Variants in PSG6 observed in about 807,000 individuals in gnomAD.
The protein encoded by PSG6 is pregnancy specific beta-1-glycoprotein 6.
A neutral mutation model predicts 43.3 loss-of-function variants in PSG6; 51 were observed. That is an observed-to-expected ratio of 1.18 (90% CI 0.94 to 1.49). The LOEUF (loss-of-function observed/expected upper bound fraction) is 1.49, where lower values mean the gene tolerates loss of function less well. Among genes scored for constraint, PSG6 ranks in the 40% most tolerant of loss-of-function variants. PSG6 has a pLI of 0.00. For synonymous variants in PSG6, 292 were observed against 197.6 expected (o/e 1.48, Z -4.01); for missense variants, 770 against 522.2 (o/e 1.47, Z -4.62).
At chr19:42,912,328 A>T (rs948181210) in intron 2 of PSG6, among the ~76,000 whole-genome samples, 1 of 151,690 alleles carries the variant, frequency 6.6e-6, no homozygotes. Flanking sequence ...GGAAACCTTA[A>T]AATGTTTTCA....
rs191192648 is a variant in PSG6 at position 42,903,475 on chromosome 19, A to G, written c.1241-1029T>C. 2,390 of 755,956 alleles carry G rather than the reference A, an allele frequency of 3.2e-3. 31 individuals carry two copies. The highest frequency in any genetic ancestry group is 3.8e-3 in the Non-Finnish European group (1,941 of 507,964). The allele number at this position is 755,956 out of a possible 1,614,324, so 46.8% of individuals were successfully genotyped here. ...GATATAAATAAAATGGAGAATGGAAACAGAATAGAGGAAATTACTGAAACC... is the reference window on the plus strand; with the variant it reads ...GATATAAATAAAATGGAGAATGGAAGCAGAATAGAGGAAATTACTGAAACC... On this transcript the variant is annotated intron_variant, in intron 5 of 5. Transcript: ENST00000187910.
intron 5 of PSG6, among the ~76,000 whole-genome samples, chr19:42,905,123 T>G (rs1268809577): frequency 6.6e-6 from 1 of 151,562 alleles, no homozygotes; most frequent in Non-Finnish European, 1.5e-5. Context: ...TGTACAAAAA[T>G]TAACCCACAA....
intron 5 of PSG6, 143 bp downstream of exon 5, chr19:42,906,779 G>A: frequency 6.3e-7 from 1 of 1,591,348 alleles, no homozygotes; most frequent in Admixed American, 1.7e-5. Context: ...GAGATAAGTT[G>A]GGAGGGTTCA....
rs1357964376 is a variant in PSG6, at chr19:42,916,423, G to T, written c.129C>A (p.Pro43=). The T allele has an allele frequency of 4.3e-6, 7 of 1,611,904 alleles. No homozygotes were observed. Among genetic ancestry groups the T allele is most frequent in the African/African-American group, 2.7e-5 (2 of 74,644 alleles). The change falls in exon 2 of 6, where the codon CCC becomes CCA. Residue 43 remains proline, a synonymous_variant. Coordinates refer to ENST00000187910, the MANE Select transcript of PSG6 (RefSeq NM_001031850.4). ...GAACATCCTTCCCCTCGGAAACTTT[G>T]GGTGGCTTGGCTTCAATTATTACTT... is the stretch of plus-strand genomic sequence containing the variant. The part of the protein sequence containing the change: ...TAQVIIEAKP[P]KVSEGKDVLL...
intron 2 of PSG6, among the ~76,000 whole-genome samples, chr19:42,912,136 C>T (rs985818258): frequency 2.0e-5 from 3 of 151,570 alleles, no homozygotes; most frequent in African/African-American, 4.8e-5. Flanking sequence ...CCACAATGCG[C>T]GAGTGAGCAC....
At chr19:42,909,643 T>A (rs1287959159) in intron 3 of PSG6, 1 of 151,788 alleles carries the variant, frequency 6.6e-6, no homozygotes, top group African/African-American at 2.4e-5. Context: ...TTGGTTAAAC[T>A]TATTCCAAAA....
rs752080975 is a variant in PSG6, at chr19:42,907,834, T to TG, written c.726dup (p.Ile243HisfsTer20). 6.2e-6 allele frequency: 10 copies of TG among 1,611,636 alleles called. No homozygotes were observed. In the South Asian group the frequency reaches 1.1e-4, roughly 18 times the overall value. On this transcript the variant is annotated frameshift_variant, in exon 4 of 6. Coordinates refer to ENST00000187910, the MANE Select transcript of PSG6 (RefSeq NM_001031850.4). LOFTEE classifies it high-confidence loss of function. ...CTGGGGTTTAAGTTGTTGATGGTGATGTAAGGCATGGGCAGCTTCGCTGTG... is the reference window on the plus strand; with the variant it reads ...CTGGGGTTTAAGTTGTTGATGGTGATGGTAAGGCATGGGCAGCTTCGCTGTG...
In PSG6 at chr19:42,916,332, C is replaced by T. The variant is rs1972330539; in HGVS notation, c.220G>A (p.Asp74Asn). 7 of 1,611,958 alleles carry T rather than the reference C, an allele frequency of 4.3e-6. 1 individual carries two copies. Among genetic ancestry groups the T allele is most frequent in the African/African-American group, 4.0e-5 (3 of 74,658 alleles). Reference protein sequence around the residue: ...GYIWYKGQMTDLYHYITSYVV... With the variant: ...GYIWYKGQMTNLYHYITSYVV... ...TATGATGTAATGTAATGGTAGAGGT[C>T]CGTCATTTGCCCTTTGTACCAGATG... The change falls in exon 2 of 6, where the codon GAC (aspartate) becomes AAC (asparagine). Residue 74 changes from aspartate (D) to asparagine (N), a missense_variant. Physicochemically the swap from Asp to Asn is conservative, Grantham distance 23. Transcript: ENST00000187910.
intron 5 of PSG6, among the ~76,000 whole-genome samples, chr19:42,903,228 A>G (rs1326434364): frequency 2.6e-5 from 4 of 151,600 alleles, no homozygotes; most frequent in Non-Finnish European, 5.9e-5. Context: ...TTAAACCTTT[A>G]AAAGAATGGT....
intron 5 of PSG6, among the ~76,000 whole-genome samples, chr19:42,902,781 T>A (rs1972055022): frequency 6.6e-6 from 1 of 151,558 alleles, no homozygotes; most frequent in Admixed American, 6.6e-5. Flanking sequence ...TCTAATCCCA[T>A]CTTGGATGCA....
In PSG6 at chr19:42,911,045, C is replaced by T. The variant is rs115797147; in HGVS notation, c.428-187G>A. On this transcript the variant is annotated intron_variant, in intron 2 of 5. Coordinates refer to ENST00000187910, the MANE Select transcript of PSG6 (RefSeq NM_001031850.4). ...GGCTCAGTGATTGTGAGGCTGCCTG[C>T]TTTATGTAGGAGAAGCATGGACTTT... Among the ~76,000 whole-genome samples the T allele has an allele frequency of 4.8e-3, 731 of 151,630 alleles. 15 individuals carry two copies. The highest frequency in any genetic ancestry group is 0.017 in the African/African-American group (693 of 41,368).
chr19:42,910,881 A>T (rs770994395), intron 2 of PSG6, 23 bp from the exon 3 acceptor site: 1 of 1,588,998 alleles, frequency 6.3e-7, no homozygotes, highest in African/African-American at 1.4e-5. Context: ...CAGAGAGAAG[A>T]TTGCCCTGTG....
At position 42,903,706 on chromosome 19, in the gene PSG6, T is replaced by TG. The variant is rs1434313225; in HGVS notation, c.1241-1261dup. 4 of 1,512,862 alleles carry TG rather than the reference T, an allele frequency of 2.6e-6. No individual in the cohort carries two copies. In the Admixed American group the frequency reaches 8.5e-5, roughly 32 times the overall value. 93.7% of individuals were successfully genotyped at this position (1,512,862 alleles called of 1,614,324 possible). A position where few individuals can be genotyped will look rare whatever the true frequency, so the allele number is the denominator to read the frequency against. On this transcript the variant is annotated intron_variant, in intron 5 of 5. Transcript: ENST00000187910. ...GGTGTTTGGACCAGCATAGGTAACC[T>TG]GGGGAGATGCTGTCTCTACAAAAAA... is the stretch of plus-strand genomic sequence containing the variant.
At chr19:42,903,567 A>G in intron 5 of PSG6, 2 of 1,408,160 alleles carry the variant, frequency 1.4e-6, no homozygotes, top group Admixed American at 3.2e-5. Context: ...CTAAGAAAAA[A>G]AGAGAAAAGA....
At chr19:42,910,428 C>G (rs1192838894) in intron 3 of PSG6, 152 bp downstream of exon 3, 6 of 1,583,998 alleles carry the variant, frequency 3.8e-6, no homozygotes, top group South Asian at 1.1e-5. Flanking sequence ...TAGGCCTACT[C>G]TGGTTTGCCT....
chr19:42,912,062 T>C (rs1972237464), intron 2 of PSG6, among the ~76,000 whole-genome samples: 1 of 151,708 alleles, frequency 6.6e-6, no homozygotes, highest in Non-Finnish European at 1.5e-5. Context: ...TCTAATTTTT[T>C]TTATTTTGGA....
intron 5 of PSG6, among the ~76,000 whole-genome samples, chr19:42,904,849 A>G (rs558006886): frequency 4.6e-5 from 7 of 151,842 alleles, no homozygotes; most frequent in African/African-American, 1.4e-4. Flanking sequence ...AAGAGGAAGA[A>G]TGAAGCTGGA....
At chr19:42,909,298 TG>T (rs1455147095) in intron 3 of PSG6, among the ~76,000 whole-genome samples, 3 of 151,538 alleles carry the variant, frequency 2.0e-5, no homozygotes, top group Non-Finnish European at 4.4e-5. Flanking sequence ...TTGAAGGCTT[TG>T]GGATGTGAGA....
intron 3 of PSG6, 172 bp downstream of exon 3, chr19:42,910,408 T>G (rs762569645): frequency 1.0e-5 from 16 of 1,524,586 alleles, no homozygotes; most frequent in African/African-American, 4.1e-5. Context: ...CTCTTATTGT[T>G]GATCAAGCCT....
Sources: gnomAD v4.1 joint callset for allele counts (sites outside exome capture counted in the v4.1 genomes callset) on GRCh38, gnomAD v4.1.1 for gene constraint, MANE v1.5 for transcripts, NCBI Gene and HGNC (gene_info 2026-07-23, HGNC 2026-07-21) for gene names.